Variants in STIM1 observed in about 807,000 individuals in gnomAD.
STIM1 encodes the protein stromal interaction molecule 1.
A neutral mutation model predicts 74.7 loss-of-function variants in STIM1; 25 were observed. The observed-to-expected ratio is 0.33, with a 90% CI of 0.24 to 0.47. The LOEUF is 0.47. Ranked by LOEUF, STIM1 falls within the 20% of genes least tolerant of loss-of-function variation. STIM1 has a pLI of 1.00. For synonymous variants in STIM1, 328 were observed against 348.8 expected (o/e 0.94, Z 0.66); for missense variants, 728 against 920.8 (o/e 0.79, Z 2.71).
Position 4,047,821 on chromosome 11 carries a change from T to TC in STIM1, c.386-7705_386-7704insC, listed in dbSNP as rs1475830470. On this transcript the variant is annotated intron_variant, in intron 3 of 12. Coordinates refer to ENST00000526596, the MANE Select transcript of STIM1 (RefSeq NM_001382567.1). ...GGTGGCAGAGCAAGACCTGTCTCTC[T>TC]TTTTTTTTTTTTTTTGAGATGGAGT... Among the ~76,000 whole-genome samples the TC allele has an allele frequency of 6.6e-4, 34 of 51,154 alleles. 1 individual carries two copies. The highest frequency in any genetic ancestry group is 2.0e-3 in the African/African-American group (29 of 14,776). 33.6% of individuals were successfully genotyped at this position (51,154 alleles called of 152,430 possible). A position where few individuals can be genotyped will look rare whatever the true frequency, so the allele number is the denominator to read the frequency against.
chr11:3,898,741 C>G (rs2092263314), intron 1 of STIM1, among the ~76,000 whole-genome samples: 1 of 150,578 alleles, frequency 6.6e-6, no homozygotes, highest in African/African-American at 2.4e-5. Context: ...TATGGCTAGC[C>G]AGTTTTCCCA....
At chr11:3,887,943 C>T (rs1020131372) in intron 1 of STIM1, 1 of 147,034 alleles carries the variant, frequency 6.8e-6, no homozygotes, top group South Asian at 2.2e-4. Flanking sequence ...GCACTCCAGC[C>T]TGGGTGACAG....
At chr11:3,874,738 G>C (rs981695274) in intron 1 of STIM1, among the ~76,000 whole-genome samples, 1 of 152,160 alleles carries the variant, frequency 6.6e-6, no homozygotes, top group Non-Finnish European at 1.5e-5. Flanking sequence ...TCCCTCATCT[G>C]ACTATTCCCG....
intron 2 of STIM1, among the ~76,000 whole-genome samples, chr11:3,978,039 G>A (rs928949051): frequency 2.0e-5 from 3 of 152,064 alleles, no homozygotes; most frequent in African/African-American, 7.2e-5. Flanking sequence ...TTCTGTTTTC[G>A]CTTAAGTGGT....
chr11:3,900,360 G>C (rs1031882217), intron 1 of STIM1, among the ~76,000 whole-genome samples: 1 of 152,186 alleles, frequency 6.6e-6, no homozygotes, highest in African/African-American at 2.4e-5. Flanking sequence ...GACTAGGAAA[G>C]GGAACTCCCT....
intron 3 of STIM1, among the ~76,000 whole-genome samples, chr11:4,044,887 G>C (rs2133019136): frequency 6.6e-6 from 1 of 152,204 alleles, no homozygotes; most frequent in African/African-American, 2.4e-5. Context: ...ACAATATCTG[G>C]AGACATTTTT....
At chr11:4,031,510 A>G (rs987553651) in intron 3 of STIM1, among the ~76,000 whole-genome samples, 5 of 152,232 alleles carry the variant, frequency 3.3e-5, no homozygotes, top group Non-Finnish European at 7.4e-5. Context: ...CACCAGCAGT[A>G]TATGACATTT....
chr11:3,981,510 T>G (rs1458186368), intron 2 of STIM1, among the ~76,000 whole-genome samples: 1 of 152,220 alleles, frequency 6.6e-6, no homozygotes, highest in Non-Finnish European at 1.5e-5. Flanking sequence ...AGATACTATC[T>G]TATTGTTTTA....
At chr11:3,874,146 A>G (rs2091232802) in intron 1 of STIM1, among the ~76,000 whole-genome samples, 1 of 152,164 alleles carries the variant, frequency 6.6e-6, no homozygotes, top group Admixed American at 6.5e-5. Context: ...TGGACTGCCA[A>G]ACATTTTATG....
chr11:3,875,602 T>C (rs2091282029), intron 1 of STIM1, among the ~76,000 whole-genome samples: 3 of 151,786 alleles, frequency 2.0e-5, no homozygotes, highest in African/African-American at 7.3e-5. Flanking sequence ...TAGTGTGTGC[T>C]TGTAATCCCA....
Position 4,062,898 on chromosome 11 carries a change from A to C in STIM1, c.613+3502A>C, listed in dbSNP as rs191883816. On this transcript the variant is annotated intron_variant, in intron 5 of 12. Transcript: ENST00000526596. ...TTGATGAATGGAAAAAAAATGGTAT[A>C]TACATACAATAGAATATTAATCAGT... 1.9e-3 allele frequency among the ~76,000 whole-genome samples: 290 copies of C among 152,272 alleles called. 2 individuals are homozygous for C. The highest frequency in any genetic ancestry group is 6.5e-3 in the African/African-American group (272 of 41,572).
At chr11:3,903,119 A>C (rs11030209) in intron 1 of STIM1, among the ~76,000 whole-genome samples, 43,391 of 152,062 alleles carry the variant, frequency 0.29, 6,481 homozygotes, top group South Asian at 0.39. Flanking sequence ...ACCCTATGAA[A>C]GTAGGTACTA....
At chr11:3,969,990 C>A (rs2093376004) in intron 2 of STIM1, among the ~76,000 whole-genome samples, 1 of 151,902 alleles carries the variant, frequency 6.6e-6, no homozygotes, top group Non-Finnish European at 1.5e-5. Context: ...CAGGGCCTGG[C>A]CAGAAAACTG....
chr11:3,911,894 A>G (rs2092567659), intron 1 of STIM1, among the ~76,000 whole-genome samples: 2 of 152,154 alleles, frequency 1.3e-5, no homozygotes, highest in African/African-American at 4.8e-5. Flanking sequence ...TAAAGACAGA[A>G]ACACTGCTTT....
intron 2 of STIM1, among the ~76,000 whole-genome samples, chr11:4,011,346 G>A (rs1450053933): frequency 2.0e-5 from 3 of 152,210 alleles, no homozygotes; most frequent in South Asian, 2.1e-4. Context: ...CAGTGTAAAA[G>A]CATTCCTATT....
intron 5 of STIM1, among the ~76,000 whole-genome samples, chr11:4,063,662 T>C (rs2133127613): frequency 6.6e-6 from 1 of 152,342 alleles, no homozygotes; most frequent in East Asian, 1.9e-4. Context: ...ATCCGAGGTA[T>C]GCCTGAACAG....
intron 2 of STIM1, among the ~76,000 whole-genome samples, chr11:3,986,760 T>C (rs2093561571): frequency 6.6e-6 from 1 of 152,236 alleles, no homozygotes; most frequent in Admixed American, 6.5e-5. Flanking sequence ...TTATTTCATC[T>C]ATGAGATAGG....
chr11:3,964,237 C>G (rs2093318250), intron 1 of STIM1, among the ~76,000 whole-genome samples: 1 of 152,064 alleles, frequency 6.6e-6, no homozygotes, highest in African/African-American at 2.4e-5. Context: ...GAAGGTATTT[C>G]CAGATGGTTG....
chr11:3,959,887 G>A lies in STIM1; in HGVS notation c.140-7665G>A, dbSNP rs1004597621. ...AAAACAGTGGTAGGTAAAACTGCTG[G>A]CACCTTAACACAAATCAAACCAGTG... On this transcript the variant is annotated intron_variant, in intron 1 of 12. Transcript: ENST00000526596. 1.1e-4 allele frequency among the ~76,000 whole-genome samples: 16 copies of A among 152,170 alleles called. No homozygotes were observed. The South Asian group carries it at 1.2e-3, about 12-fold the overall frequency.
Sources: gnomAD v4.1 joint callset for allele counts (sites outside exome capture counted in the v4.1 genomes callset) on GRCh38, gnomAD v4.1.1 for gene constraint, MANE v1.5 for transcripts, NCBI Gene and HGNC (gene_info 2026-07-23, HGNC 2026-07-21) for gene names.